The following FHIP2A variants were observed in gnomAD, a reference collection of about 807,000 sequenced individuals.
The protein encoded by FHIP2A is FHF complex subunit HOOK interacting protein 2A.
A neutral mutation model predicts 93.5 loss-of-function variants in FHIP2A; 46 were observed. That is an observed-to-expected ratio of 0.49 (90% CI 0.39 to 0.63). The LOEUF (loss-of-function observed/expected upper bound fraction) is 0.63, where lower values mean the gene tolerates loss of function less well. FHIP2A is among the 20% of genes least tolerant of loss of function. The probability of loss-of-function intolerance (pLI) is 0.00; values close to 1 mark genes in which losing one functional copy is unlikely to be tolerated. For missense variants in FHIP2A, 769 were observed against 909.7 expected (o/e 0.85, Z 1.99); for synonymous variants, 332 against 326.5 (o/e 1.02, Z -0.18).
At position 114,833,491 on chromosome 10, in the gene FHIP2A, A is replaced by G. The variant is rs1422601229; in HGVS notation, c.294+89A>G. The G allele has an allele frequency of 6.6e-5, 81 of 1,235,882 alleles. 1 individual carries two copies. In the Admixed American group the frequency reaches 1.6e-3, roughly 24 times the overall value. The allele number at this position is 1,235,882 out of a possible 1,614,324, so 76.6% of individuals were successfully genotyped here. On this transcript the variant is annotated intron_variant, in intron 3 of 16. Coordinates refer to ENST00000369248, the MANE Select transcript of FHIP2A (RefSeq NM_020940.4). ...AGAAGCTGCCAAATACTTGATTATAAAGGTACATATTGAACATGGCAGGAT... is the reference window on the plus strand; with the variant it reads ...AGAAGCTGCCAAATACTTGATTATAGAGGTACATATTGAACATGGCAGGAT...
At chr10:114,825,858 C>A (rs1479421678) in intron 1 of FHIP2A, among the ~76,000 whole-genome samples, 1 of 152,216 alleles carries the variant, frequency 6.6e-6, no homozygotes, top group Non-Finnish European at 1.5e-5. Flanking sequence ...CCAGTTCCAC[C>A]CTTGCGGGCA....
rs1205946535 is a variant in FHIP2A at position 114,889,975 on chromosome 10, C to G, written c.2193-9515C>G. On this transcript the variant is annotated intron_variant, in intron 16 of 16. Coordinates refer to the FHIP2A transcript ENST00000369250. ...GAGCCAACCCCACAGTGACCTTGCC[C>G]CATCCCTGGAGGCTGTCTGTACTTT... Among the ~76,000 whole-genome samples, 8 of 152,308 alleles carry G rather than the reference C, an allele frequency of 5.3e-5. No homozygotes were observed. The East Asian group carries it at 1.5e-3, about 29-fold the overall frequency.
chr10:114,871,348 C>G (rs2083859362), intron 16 of FHIP2A, among the ~76,000 whole-genome samples: 1 of 151,968 alleles, frequency 6.6e-6, no homozygotes, highest in Non-Finnish European at 1.5e-5. Context: ...CCTCCTAGAA[C>G]CAGCCTCCTC....
chr10:114,892,459 G>T (rs2083979999), intron 16 of FHIP2A, among the ~76,000 whole-genome samples: 1 of 152,138 alleles, frequency 6.6e-6, no homozygotes, highest in African/African-American at 2.4e-5. Context: ...CCAACATGGT[G>T]ATACCCCATC....
At chr10:114,849,030 T>C (rs2143011817) in intron 13 of FHIP2A, among the ~76,000 whole-genome samples, 1 of 146,486 alleles carries the variant, frequency 6.8e-6, no homozygotes, top group Admixed American at 7.2e-5. Context: ...TAGTCCCAGC[T>C]ACTCAGGAGG....
intron 7 of FHIP2A, among the ~76,000 whole-genome samples, chr10:114,844,301 T>G (rs1445948505): frequency 6.6e-6 from 1 of 152,214 alleles, no homozygotes; most frequent in Non-Finnish European, 1.5e-5. Context: ...CCTGGCCTGT[T>G]TGTACAGAAT....
chr10:114,859,591 C>A, intron 14 of FHIP2A, among the ~76,000 whole-genome samples: 1 of 152,118 alleles, frequency 6.6e-6, no homozygotes, highest in Non-Finnish European at 1.5e-5. Context: ...CCTTTGGCTG[C>A]TTAGAAGAAG....
intron 5 of FHIP2A, among the ~76,000 whole-genome samples, chr10:114,838,056 A>T (rs1457056824): frequency 6.6e-6 from 1 of 151,202 alleles, no homozygotes. Context: ...ATCATATGGT[A>T]AGTGTGTATT....
chr10:114,874,265 AT>A (rs11462305), intron 16 of FHIP2A, among the ~76,000 whole-genome samples: 2 of 151,904 alleles, frequency 1.3e-5, no homozygotes, highest in African/African-American at 2.4e-5. Flanking sequence ...TAGATCTTTA[AT>A]TTTTTTTCCC....
At chr10:114,875,852 AAAAAGAAAGAAAGAAAGAGAAAGAAAG>A (rs1294998455) in intron 16 of FHIP2A, among the ~76,000 whole-genome samples, 3 of 147,518 alleles carry the variant, frequency 2.0e-5, no homozygotes, top group African/African-American at 7.7e-5. Flanking sequence ...AGAAAGAAAG[AAAAAGAAAGAAAGAAAGAGAAAGAAAG>A]AAAAGAAAGA....
chr10:114,894,982 C>CT (rs1271485749), intron 16 of FHIP2A, among the ~76,000 whole-genome samples: 2 of 152,166 alleles, frequency 1.3e-5, no homozygotes, highest in Non-Finnish European at 2.9e-5. Context: ...CAGAAGGATA[C>CT]ACTGTAGCCT....
chr10:114,895,065 G>T (rs999197242), intron 16 of FHIP2A, among the ~76,000 whole-genome samples: 4 of 152,154 alleles, frequency 2.6e-5, no homozygotes, highest in Non-Finnish European at 5.9e-5. Context: ...ATTGTGAACA[G>T]GCACAATAGT....
intron 2 of FHIP2A, among the ~76,000 whole-genome samples, chr10:114,832,637 T>C (rs796941983): frequency 2.5e-4 from 38 of 152,304 alleles, no homozygotes; most frequent in African/African-American, 8.4e-4. Flanking sequence ...CATGTTCCCA[T>C]TTCCCACATA....
rs890678726 is a variant in FHIP2A at position 114,863,931 on chromosome 10, G to C, written c.*2391G>C. 3.4e-5 allele frequency: 36 copies of C among 1,065,604 alleles called. No homozygotes were observed. The highest frequency in any genetic ancestry group is 4.0e-5 in the Non-Finnish European group (35 of 877,438). 66.0% of individuals were successfully genotyped at this position (1,065,604 alleles called of 1,614,324 possible). A position where few individuals can be genotyped will look rare whatever the true frequency, so the allele number is the denominator to read the frequency against. ...TTCTAACAATATAGTCTTTGGATTT[G>C]TTTTTAGTTATGAGCCGCATTCTTT... On this transcript the variant is annotated 3_prime_UTR_variant, in exon 17 of 17. Transcript: ENST00000369248.
chr10:114,859,194 G>T (rs2083783522), intron 14 of FHIP2A, among the ~76,000 whole-genome samples: 1 of 152,144 alleles, frequency 6.6e-6, no homozygotes, highest in South Asian at 2.1e-4. Flanking sequence ...CATGAATCTA[G>T]TAGTAAGTTA....
At chr10:114,890,300 C>T (rs2083964129) in intron 16 of FHIP2A, among the ~76,000 whole-genome samples, 1 of 151,892 alleles carries the variant, frequency 6.6e-6, no homozygotes, top group Non-Finnish European at 1.5e-5. Context: ...AGTGCTGGGA[C>T]TACAGGCATG....
At chr10:114,890,326 C>T (rs1368614001) in intron 16 of FHIP2A, among the ~76,000 whole-genome samples, 1 of 151,958 alleles carries the variant, frequency 6.6e-6, no homozygotes, top group East Asian at 1.9e-4. Context: ...CCATGCCCAG[C>T]CTAACCACCT....
At chr10:114,875,447 A>G (rs2083880056) in intron 16 of FHIP2A, among the ~76,000 whole-genome samples, 1 of 152,172 alleles carries the variant, frequency 6.6e-6, no homozygotes, top group Non-Finnish European at 1.5e-5. Flanking sequence ...TAATCCCAGC[A>G]CTTTGGCAGG....
chr10:114,847,429 C>T (rs1217403016), intron 12 of FHIP2A, among the ~76,000 whole-genome samples, 196 bp downstream of exon 12: 2 of 151,938 alleles, frequency 1.3e-5, no homozygotes, highest in African/African-American at 4.8e-5. Flanking sequence ...GCTGGGATTA[C>T]AGGCTCCTGC....
Sources: gnomAD v4.1 joint callset for allele counts (sites outside exome capture counted in the v4.1 genomes callset) on GRCh38, gnomAD v4.1.1 for gene constraint, MANE v1.5 for transcripts, NCBI Gene and HGNC (gene_info 2026-07-23, HGNC 2026-07-21) for gene names.